The following NPTN variants were observed in gnomAD, a reference collection of about 807,000 sequenced individuals.
NPTN encodes SDR-1.
A neutral mutation model predicts 42.7 loss-of-function variants in NPTN; 5 were observed. The observed-to-expected ratio is 0.12, with a 90% CI of 0.06 to 0.25. The LOEUF (loss-of-function observed/expected upper bound fraction) is 0.25. NPTN is among the 10% of genes least tolerant of loss of function. The probability of loss-of-function intolerance (pLI) is 1.00; values close to 1 mark genes in which losing one functional copy is unlikely to be tolerated. For missense variants in NPTN, 307 were observed against 525.4 expected (o/e 0.58, Z 4.06); for synonymous variants, 180 against 201.9 (o/e 0.89, Z 0.92).
At position 73,569,553 on chromosome 15, in the gene NPTN, G is replaced by T; in HGVS notation, c.1114+597C>A. The stretch of plus-strand genomic sequence containing the variant: ...CTCCTTTGTCTGTGAGACACAGATG[G>T]AAAGCCACCCAGCAGAGAGCGCTGG... On this transcript the variant is annotated intron_variant, in intron 6 of 8. Coordinates refer to ENST00000345330, the MANE Select transcript of NPTN (RefSeq NM_012428.4). This position sits in a 1 kb window ranked among gnomAD's most constrained non-coding sequence, Gnocchi z 4.1. 1.0e-6 allele frequency: 1 copy of T among 985,454 alleles called. No homozygotes were observed. Among genetic ancestry groups the T allele is most frequent in the Non-Finnish European group, 1.2e-6 (1 of 829,936 alleles). The allele number at this position is 985,454 out of a possible 1,614,324, so 61.0% of individuals were successfully genotyped here.
At chr15:73,616,201 A>C (rs921481539) in intron 1 of NPTN, among the ~76,000 whole-genome samples, 2 of 152,172 alleles carry the variant, frequency 1.3e-5, no homozygotes, top group Non-Finnish European at 2.9e-5. Context: ...ATCAAGACTG[A>C]CCAAGTACAT....
intron 6 of NPTN, chr15:73,565,858 T>A: frequency 4.4e-6 from 2 of 453,942 alleles, no homozygotes; most frequent in Admixed American, 4.7e-5. Context: ...TATATCCGCC[T>A]CATCATCTAG....
At chr15:73,630,883 A>G (rs1898701985) in intron 1 of NPTN, among the ~76,000 whole-genome samples, 1 of 152,232 alleles carries the variant, frequency 6.6e-6, no homozygotes, top group Admixed American at 6.5e-5. Context: ...GAAAGCTATA[A>G]AATGGCATCC....
chr15:73,586,439 G>T (rs1896322741), intron 4 of NPTN, among the ~76,000 whole-genome samples: 2 of 152,198 alleles, frequency 1.3e-5, no homozygotes, highest in Admixed American at 6.5e-5. Context: ...TAGGCATTCA[G>T]AATTAAACTG....
chr15:73,597,143 G>A lies in NPTN; in HGVS notation c.318C>T (p.Leu106=), dbSNP rs758489421. 5.0e-6 allele frequency: 8 copies of A among 1,614,180 alleles called. No individual in the cohort carries two copies. Among genetic ancestry groups the A allele is most frequent in the Middle Eastern group, 1.6e-4 (1 of 6,062 alleles). Reference sequence around the variant, plus strand: ...CGTAAGTCCCAGAGTCCTCCAAGGTGAGCCGGGTTATTCTCAGCACACTCA... The same window carrying A: ...CGTAAGTCCCAGAGTCCTCCAAGGTAAGCCGGGTTATTCTCAGCACACTCA... ...NGVSVLRITR[L]TLEDSGTYEC... The change falls in exon 2 of 9, where the codon CTC becomes CTT. Residue 106 remains leucine, a synonymous_variant. Coordinates refer to ENST00000345330, the MANE Select transcript of NPTN (RefSeq NM_012428.4). This position sits in a 1 kb window ranked among gnomAD's most constrained non-coding sequence, Gnocchi z 6.3.
intron 7 of NPTN, 99 bp downstream of exon 7, chr15:73,563,137 T>G: frequency 1.2e-6 from 1 of 868,136 alleles, no homozygotes. Flanking sequence ...TTCCACTCAC[T>G]GTCTTCCCCT....
In NPTN at chr15:73,569,243, C is replaced by G; in HGVS notation, c.1114+907G>C. On this transcript the variant is annotated intron_variant, in intron 6 of 8. Coordinates refer to ENST00000345330, the MANE Select transcript of NPTN (RefSeq NM_012428.4). This position sits in a 1 kb window ranked among gnomAD's most constrained non-coding sequence, Gnocchi z 4.1. ...TGGGGATGGGGAGCCAGCTGGGAAC[C>G]TGAAGTACTGCAGATACAAGTCTCC... The G allele has an allele frequency of 1.0e-6, 1 of 985,538 alleles. No individual in the cohort carries two copies. Among genetic ancestry groups the G allele is most frequent in the South Asian group, 4.7e-5 (1 of 21,286 alleles). 61.0% of individuals were successfully genotyped at this position (985,538 alleles called of 1,614,324 possible).
At chr15:73,573,566 T>C in intron 5 of NPTN, 96 bp downstream of exon 5, 1 of 1,359,526 alleles carries the variant, frequency 7.4e-7, no homozygotes, top group Non-Finnish European at 9.8e-7. Context: ...CATGCACACA[T>C]CCGAGGATAC....
intron 1 of NPTN, among the ~76,000 whole-genome samples, chr15:73,618,159 G>C (rs931211787): frequency 6.6e-6 from 1 of 152,166 alleles, no homozygotes; most frequent in East Asian, 1.9e-4. Context: ...TTTCTGCCTC[G>C]ATGTCCTCAC....
At chr15:73,623,757 A>G (rs1271601614) in intron 1 of NPTN, among the ~76,000 whole-genome samples, 1 of 152,084 alleles carries the variant, frequency 6.6e-6, no homozygotes, top group Non-Finnish European at 1.5e-5. Context: ...TCATTTCCAT[A>G]TTTTTCTCTC....
chr15:73,562,871 G>A (rs887580450), intron 7 of NPTN, among the ~76,000 whole-genome samples: 7 of 151,994 alleles, frequency 4.6e-5, no homozygotes, highest in African/African-American at 1.7e-4. Context: ...GCTACAGGTT[G>A]AGTATTCCTC....
At position 73,602,639 on chromosome 15, in the gene NPTN, G is replaced by A. The variant is rs141786420; in HGVS notation, c.92-5270C>T. Among the ~76,000 whole-genome samples the A allele has an allele frequency of 3.0e-4, 45 of 152,208 alleles. No homozygotes were observed. In the East Asian group the frequency reaches 8.7e-3, roughly 29 times the overall value. ...TCATCACTATTCCTTAACACCAAAG[G>A]CAGGTCAGAAGTCTATATGCACTCA... is the stretch of plus-strand genomic sequence containing the variant. On this transcript the variant is annotated intron_variant, in intron 1 of 8. Transcript: ENST00000345330.
chr15:73,562,564 G>C (rs1489312880), intron 7 of NPTN, among the ~76,000 whole-genome samples: 1 of 152,140 alleles, frequency 6.6e-6, no homozygotes, highest in Non-Finnish European at 1.5e-5. Context: ...TAACAAATTT[G>C]GGTGCTGTTT....
At chr15:73,584,371 T>C (rs1041803190) in intron 4 of NPTN, among the ~76,000 whole-genome samples, 3 of 152,192 alleles carry the variant, frequency 2.0e-5, no homozygotes, top group African/African-American at 7.2e-5. Context: ...ATTTTTAATT[T>C]GCTTTTTTGT....
chr15:73,622,185 A>C (rs1898165963), intron 1 of NPTN, among the ~76,000 whole-genome samples: 1 of 152,068 alleles, frequency 6.6e-6, no homozygotes, highest in South Asian at 2.1e-4. Context: ...CAAAAAAACA[A>C]AGTAATCACA....
chr15:73,566,876 C>G (rs985308940), intron 6 of NPTN: 3 of 259,140 alleles, frequency 1.2e-5, no homozygotes, highest in Non-Finnish European at 1.8e-5. Context: ...AGTCCACCTA[C>G]AAGACAACCT....
intron 4 of NPTN, among the ~76,000 whole-genome samples, chr15:73,586,387 C>T (rs575841605): frequency 6.6e-6 from 1 of 152,314 alleles, no homozygotes; most frequent in South Asian, 2.1e-4. Context: ...AAATCAAATG[C>T]TAAGTTCTCT....
chr15:73,568,897 G>T (rs1206331510), intron 6 of NPTN: 44 of 985,430 alleles, frequency 4.5e-5, no homozygotes, highest in Non-Finnish European at 5.3e-5. Context: ...AGATGGGGAA[G>T]GGGCTGTTGC....
At chr15:73,592,896 T>TA (rs1272133246) in intron 2 of NPTN, among the ~76,000 whole-genome samples, 4 of 152,184 alleles carry the variant, frequency 2.6e-5, no homozygotes, top group Non-Finnish European at 5.9e-5. Context: ...GAAAGGCCCT[T>TA]AGAGTTCATT....
Sources: gnomAD v4.1 joint callset for allele counts (sites outside exome capture counted in the v4.1 genomes callset) on GRCh38, gnomAD v4.1.1 for gene constraint, Gnocchi (gnomAD v3.1) non-coding constraint, MANE v1.5 for transcripts, NCBI Gene and HGNC (gene_info 2026-07-23, HGNC 2026-07-21) for gene names.